Variants in STXBP5L observed in about 807,000 individuals in gnomAD.
The protein encoded by STXBP5L is syntaxin binding protein 5L.
Under a neutral mutation model 144.5 loss-of-function variants are expected in STXBP5L, and 65 were observed. The ratio of observed to expected loss-of-function variants is 0.45; its 90% CI spans 0.37 to 0.55. The LOEUF is 0.55. STXBP5L is among the 20% of genes least tolerant of loss of function. The pLI is 0.00. For synonymous variants in STXBP5L, 505 were observed against 469.6 expected (o/e 1.08, Z -0.97); for missense variants, 1,298 against 1,405.5 (o/e 0.92, Z 1.22).
intron 9 of STXBP5L, among the ~76,000 whole-genome samples, chr3:121,159,345 A>G (rs2046232380): frequency 6.6e-6 from 1 of 151,858 alleles, no homozygotes; most frequent in South Asian, 2.1e-4. Context: ...TGTTATTATT[A>G]TTAATAAAAG....
rs552731468 is a variant in STXBP5L, at chr3:121,108,506, T to C, written c.471-6419T>C. 3.9e-5 allele frequency among the ~76,000 whole-genome samples: 6 copies of C among 152,292 alleles called. No individual in the cohort carries two copies. The South Asian group carries it at 1.2e-3, about 32-fold the overall frequency. On this transcript the variant is annotated intron_variant, in intron 5 of 26. Coordinates refer to ENST00000471454, the MANE Select transcript of STXBP5L (RefSeq NM_001308330.2). Reference sequence around the variant, plus strand: ...TTTGTCTTTAGTTTTGTTTACATGATGAATTACATTTATTGATTTGAATAT... The same window carrying C: ...TTTGTCTTTAGTTTTGTTTACATGACGAATTACATTTATTGATTTGAATAT...
Position 121,254,698 on chromosome 3 carries a change from A to AT in STXBP5L, c.1442-190dup, listed in dbSNP as rs373315159. 2.6e-3 allele frequency among the ~76,000 whole-genome samples: 390 copies of AT among 152,198 alleles called. 2 individuals carry two copies. Among genetic ancestry groups the AT allele is most frequent in the African/African-American group, 8.6e-3 (358 of 41,516 alleles). On this transcript the variant is annotated intron_variant, in intron 15 of 26. Coordinates refer to ENST00000471454, the MANE Select transcript of STXBP5L (RefSeq NM_001308330.2). ...TGTAGTATATATTCAAGGAATGTTTATTTTTTTCCCTGTAGTCTCCCTCTA... is the reference window on the plus strand; with the variant it reads ...TGTAGTATATATTCAAGGAATGTTTATTTTTTTTCCCTGTAGTCTCCCTCTA...
At chr3:120,994,370 C>G (rs961407713) in intron 3 of STXBP5L, among the ~76,000 whole-genome samples, 14 of 151,766 alleles carry the variant, frequency 9.2e-5, no homozygotes, top group Admixed American at 7.2e-4. Context: ...TTTTCTGTGT[C>G]TTAGAAAAAA....
At position 121,193,231 on chromosome 3, in the gene STXBP5L, T is replaced by C. The variant is rs1010769708; in HGVS notation, c.878-12692T>C. Reference sequence around the variant, plus strand: ...CAGACACATGAAAAAATGCTCATCATCACTGGCCGTCAGAGAAATGCAAAT... The same window carrying C: ...CAGACACATGAAAAAATGCTCATCACCACTGGCCGTCAGAGAAATGCAAAT... On this transcript the variant is annotated intron_variant, in intron 9 of 26. Coordinates refer to ENST00000471454, the MANE Select transcript of STXBP5L (RefSeq NM_001308330.2). Among the ~76,000 whole-genome samples the C allele has an allele frequency of 5.6e-5, 8 of 143,248 alleles. 3 individuals are homozygous for C. Among genetic ancestry groups the C allele is most frequent in the Non-Finnish European group, 7.6e-5 (5 of 65,662 alleles). The allele number at this position is 143,248 out of a possible 152,430, so 94.0% of individuals were successfully genotyped here. A position where few individuals can be genotyped will look rare whatever the true frequency, so the allele number is the denominator to read the frequency against.
chr3:121,240,686 A>G (rs896013132), intron 14 of STXBP5L, among the ~76,000 whole-genome samples, 179 bp downstream of exon 14: 1 of 152,192 alleles, frequency 6.6e-6, no homozygotes, highest in African/African-American at 2.4e-5. Flanking sequence ...AAACCATTGG[A>G]AACATAATAA....
At chr3:121,043,427 C>G (rs1947293393) in intron 4 of STXBP5L, among the ~76,000 whole-genome samples, 2 of 152,010 alleles carry the variant, frequency 1.3e-5, no homozygotes, top group African/African-American at 4.8e-5. Flanking sequence ...ATTAAGAATA[C>G]TGGCCGGGCG....
At chr3:121,318,605 C>A (rs1007268548) in intron 20 of STXBP5L, 65 bp downstream of exon 20, 2 of 1,130,688 alleles carry the variant, frequency 1.8e-6, no homozygotes, top group African/African-American at 3.2e-5. Flanking sequence ...GCTTTATTTT[C>A]ATGATCTTTA....
chr3:121,121,460 A>G (rs748081816), intron 6 of STXBP5L, among the ~76,000 whole-genome samples, 181 bp from the exon 7 acceptor site: 4 of 151,370 alleles, frequency 2.6e-5, no homozygotes, highest in Non-Finnish European at 5.9e-5. Context: ...GTAGTTTGCA[A>G]TTAGTAAACA....
At chr3:121,100,425 TAATC>T (rs1559745241) in intron 5 of STXBP5L, among the ~76,000 whole-genome samples, 2 of 152,086 alleles carry the variant, frequency 1.3e-5, no homozygotes, top group African/African-American at 2.4e-5. Context: ...GGAATAAAAA[TAATC>T]AATACCAAGA....
intron 19 of STXBP5L, among the ~76,000 whole-genome samples, chr3:121,304,688 A>C (rs338961): frequency 0.49 from 74,202 of 151,806 alleles, 18,593 homozygotes; most frequent in East Asian, 0.73. Flanking sequence ...ACAACATATC[A>C]AAATTTATGA....
At chr3:121,147,224 A>C (rs2045747693) in intron 7 of STXBP5L, among the ~76,000 whole-genome samples, 2 of 152,126 alleles carry the variant, frequency 1.3e-5, no homozygotes, top group Non-Finnish European at 2.9e-5. Context: ...AAAACATGCC[A>C]ATAAATTTCA....
intron 3 of STXBP5L, among the ~76,000 whole-genome samples, chr3:121,032,106 T>G (rs1946411404): frequency 6.6e-6 from 1 of 152,078 alleles, no homozygotes. Flanking sequence ...TTTGGAATCA[T>G]AAACATATAA....
intron 6 of STXBP5L, among the ~76,000 whole-genome samples, chr3:121,119,985 T>G (rs1049978925): frequency 3.3e-5 from 5 of 151,244 alleles, no homozygotes; most frequent in Non-Finnish European, 7.4e-5. Context: ...CAAAACAAAT[T>G]TCTGTGATTT....
chr3:120,972,072 T>A (rs530233484), intron 3 of STXBP5L, among the ~76,000 whole-genome samples: 24 of 152,090 alleles, frequency 1.6e-4, no homozygotes, highest in Non-Finnish European at 2.6e-4. Flanking sequence ...TTTTGGTTTA[T>A]ATGAATTTTA....
chr3:121,052,317 C>G (rs1264527405), intron 5 of STXBP5L, among the ~76,000 whole-genome samples: 1 of 152,072 alleles, frequency 6.6e-6, no homozygotes, highest in Non-Finnish European at 1.5e-5. Flanking sequence ...GACCAATATC[C>G]CTGATGAACA....
chr3:121,000,427 A>C (rs1172961821), intron 3 of STXBP5L, among the ~76,000 whole-genome samples: 1 of 152,066 alleles, frequency 6.6e-6, no homozygotes, highest in Non-Finnish European at 1.5e-5. Flanking sequence ...TTGAATTATG[A>C]AATTCTTGTG....
At chr3:121,244,400 C>G (rs2049773128) in intron 14 of STXBP5L, among the ~76,000 whole-genome samples, 1 of 151,354 alleles carries the variant, frequency 6.6e-6, no homozygotes, top group Non-Finnish European at 1.5e-5. Flanking sequence ...GCCTTACAAA[C>G]ACATTCAAGT....
intron 2 of STXBP5L, among the ~76,000 whole-genome samples, chr3:120,911,273 T>C (rs1425239475): frequency 1.3e-5 from 2 of 152,040 alleles, no homozygotes; most frequent in African/African-American, 2.4e-5. Context: ...CAAGAGATAA[T>C]GGAATACATA....
chr3:121,114,107 C>T (rs1482365862), intron 5 of STXBP5L, among the ~76,000 whole-genome samples: 2 of 152,044 alleles, frequency 1.3e-5, no homozygotes, highest in East Asian at 1.9e-4. Flanking sequence ...TGTGGAGTAA[C>T]TAAAAAGCAT....
Sources: allele counts gnomAD v4.1 joint callset (sites outside exome capture counted in the v4.1 genomes callset), GRCh38; gene constraint gnomAD v4.1.1; transcripts MANE v1.5; gene names NCBI Gene and HGNC (gene_info 2026-07-23, HGNC 2026-07-21).